Variants in HLA-DMA observed in about 807,000 individuals in gnomAD.
HLA-DMA encodes the protein HLA class II histocompatibility antigen, DM alpha chain.
A neutral mutation model predicts 27.3 loss-of-function variants in HLA-DMA; 20 were observed. The observed-to-expected ratio is 0.73, with a 90% confidence interval of 0.52 to 1.07. The LOEUF (loss-of-function observed/expected upper bound fraction) is 1.07. HLA-DMA is among the 50% of genes least tolerant of loss of function. The probability of loss-of-function intolerance (pLI) is 0.00; values close to 1 mark genes in which losing one functional copy is unlikely to be tolerated. For synonymous variants in HLA-DMA, 111 were observed against 126.8 expected (o/e 0.88, Z 0.83); for missense variants, 241 against 321.7 (o/e 0.75, Z 1.92).
At chr6:32,952,102 C>G (rs1343670787) in intron 1 of HLA-DMA, among the ~76,000 whole-genome samples, 1 of 152,138 alleles carries the variant, frequency 6.6e-6, no homozygotes, top group Non-Finnish European at 1.5e-5. Flanking sequence ...TGGCATAGGG[C>G]TGTATCCTCC....
intron 1 of HLA-DMA, among the ~76,000 whole-genome samples, chr6:32,951,026 T>C (rs1367077055): frequency 6.6e-6 from 1 of 152,138 alleles, no homozygotes; most frequent in African/African-American, 2.4e-5. Flanking sequence ...CATGTTGGCA[T>C]GCGCCTGTAG....
rs150131046 is a variant in HLA-DMA at position 32,949,645 on chromosome 6, G to T, written c.618C>A (p.His206Gln). 48 of 1,613,100 alleles carry T rather than the reference G, an allele frequency of 3.0e-5. No homozygotes were observed. Among genetic ancestry groups the T allele is most frequent in the South Asian group, 2.9e-4 (26 of 91,086 alleles). ...CAATTGCTGTGTAGCGGTCAATTTC[G>T]TGAGTCACAATGCAGGAGAAAATGT... is the stretch of plus-strand genomic sequence containing the variant. ...PSDIFSCIVT[H>Q]EIDRYTAIAY... Residue 206 changes from histidine to glutamine, a missense_variant, in exon 3 of 5, where the codon CAC becomes CAA. Transcript: ENST00000374843. The surrounding 1 kb of genome is among the most constrained non-coding windows in gnomAD (Gnocchi z 5.8).
In HLA-DMA at chr6:32,949,944, CTG is replaced by C; in HGVS notation, c.374-57_374-56del. On this transcript the variant is annotated intron_variant, in intron 2 of 4. Coordinates refer to ENST00000374843, the MANE Select transcript of HLA-DMA (RefSeq NM_006120.4). The surrounding 1 kb of genome is among the most constrained non-coding windows in gnomAD (Gnocchi z 5.8). ...AAAGAGACTAGTTTAGATGGTATCT[CTG>C]TGTTTGGAGGGGCCATGGCATATGG... is the stretch of plus-strand genomic sequence containing the variant. 1 of 1,576,246 alleles carries C rather than the reference CTG, an allele frequency of 6.3e-7. No individual in the cohort carries two copies. Among genetic ancestry groups the C allele is most frequent in the Non-Finnish European group, 8.7e-7 (1 of 1,154,334 alleles).
In HLA-DMA at chr6:32,952,989, T is replaced by A. The variant is rs1776967676; in HGVS notation, c.48A>T (p.Pro16=). The A allele has an allele frequency of 6.2e-7, 1 of 1,612,880 alleles. No individual in the cohort carries two copies. The highest frequency in any genetic ancestry group is 8.5e-7 in the Non-Finnish European group (1 of 1,179,952). ...NQGAALLQML[P]LLWLLPHSWA... ...AGGAGTGGGGTAGCAGCCACAGAAGTGGTAACATCTGTAGCAGCGCAGCTC... is the reference window on the plus strand; with the variant it reads ...AGGAGTGGGGTAGCAGCCACAGAAGAGGTAACATCTGTAGCAGCGCAGCTC... The change falls in exon 1 of 5, where the codon CCA becomes CCT. Residue 16 remains proline, a synonymous_variant. Coordinates refer to ENST00000374843, the MANE Select transcript of HLA-DMA (RefSeq NM_006120.4).
rs577757248 is a variant in HLA-DMA at position 32,948,744 on chromosome 6, C to A, written c.*120G>T. The stretch of plus-strand genomic sequence containing the variant: ...CCCAGGTGGGAAATCTACACACACA[C>A]CCCAGGGATGTCCCAGAGACTTCTA... On this transcript the variant is annotated 3_prime_UTR_variant, in exon 5 of 5. Coordinates refer to ENST00000374843, the MANE Select transcript of HLA-DMA (RefSeq NM_006120.4). 7.7e-5 allele frequency: 92 copies of A among 1,196,518 alleles called. 1 individual carries two copies. The South Asian group carries it at 1.1e-3, about 15-fold the overall frequency. The allele number at this position is 1,196,518 out of a possible 1,614,324, so 74.1% of individuals were successfully genotyped here.
Position 32,949,842 on chromosome 6 carries a change from T to C in HLA-DMA, c.421A>G (p.Lys141Glu). ...VFTLKPLEFGKPNTLVCFVSN... is the reference protein window; with the variant it reads ...VFTLKPLEFGEPNTLVCFVSN... ...ACAAAACAGACCAAAGTGTTGGGCT[T>C]GCCAAACTCCAGGGGCTTCAGCGTG... is the stretch of plus-strand genomic sequence containing the variant. The change falls in exon 3 of 5, where the codon AAG (lysine) becomes GAG (glutamate). Residue 141 changes from lysine to glutamate, a missense_variant. Coordinates refer to ENST00000374843, the MANE Select transcript of HLA-DMA (RefSeq NM_006120.4). This position sits in a 1 kb window ranked among gnomAD's most constrained non-coding sequence, Gnocchi z 5.8. 2 of 1,612,970 alleles carry C rather than the reference T, an allele frequency of 1.2e-6. No homozygotes were observed. The highest frequency in any genetic ancestry group is 1.7e-6 in the Non-Finnish European group (2 of 1,180,024).
chr6:32,949,193 A>G lies in HLA-DMA; in HGVS notation c.781+78T>C. 1.3e-6 allele frequency: 2 copies of G among 1,592,594 alleles called. No individual in the cohort carries two copies. Among genetic ancestry groups the G allele is most frequent in the Non-Finnish European group, 1.7e-6 (2 of 1,163,820 alleles). ...TCGCTATATGTCCCCCCATGCCACA[A>G]AATAATCCTGACACATGCACGCATG... is the stretch of plus-strand genomic sequence containing the variant. On this transcript the variant is annotated intron_variant, in intron 4 of 4. Transcript: ENST00000374843. This position sits in a 1 kb window ranked among gnomAD's most constrained non-coding sequence, Gnocchi z 5.8.
In HLA-DMA at chr6:32,950,896, C is replaced by A; in HGVS notation, c.89-93G>T. 7.6e-7 allele frequency: 1 copy of A among 1,310,944 alleles called. No homozygotes were observed. Among genetic ancestry groups the A allele is most frequent in the South Asian group, 1.4e-5 (1 of 73,140 alleles). 81.2% of individuals were successfully genotyped at this position (1,310,944 alleles called of 1,614,324 possible). A position where few individuals can be genotyped will look rare whatever the true frequency, so the allele number is the denominator to read the frequency against. ...GTGGGGCTAGGCGCAGTGGCTCATG[C>A]CTGTAATCCCAGCACTTTGGGAGGC... is the stretch of plus-strand genomic sequence containing the variant. On this transcript the variant is annotated intron_variant, in intron 1 of 4. Coordinates refer to ENST00000374843, the MANE Select transcript of HLA-DMA (RefSeq NM_006120.4). The surrounding 1 kb of genome is among the most constrained non-coding windows in gnomAD (Gnocchi z 5.0).
In HLA-DMA at chr6:32,950,816, CAG is replaced by C. The variant is rs1371643816; in HGVS notation, c.89-15_89-14del. On this transcript the variant is annotated splice_polypyrimidine_tract_variant and intron_variant, in intron 1 of 4. Transcript: ENST00000374843. This position sits in a 1 kb window ranked among gnomAD's most constrained non-coding sequence, Gnocchi z 5.0. ...ATTGGAGTAGGAGCTGCAAAGGACACAGGGTGAGGTTCAGGGAGGTGGGAGCC... is the reference window on the plus strand; with the variant it reads ...ATTGGAGTAGGAGCTGCAAAGGACACGGTGAGGTTCAGGGAGGTGGGAGCC... 2 of 1,607,416 alleles carry C rather than the reference CAG, an allele frequency of 1.2e-6. No homozygotes were observed. Among genetic ancestry groups the C allele is most frequent in the Non-Finnish European group, 1.7e-6 (2 of 1,175,574 alleles).
rs1169201198 is a variant in HLA-DMA at position 32,948,887 on chromosome 6, T to G, written c.782-19A>C. 4 of 1,613,180 alleles carry G rather than the reference T, an allele frequency of 2.5e-6. No individual in the cohort carries two copies. In the South Asian group the frequency reaches 4.4e-5, roughly 18 times the overall value. ...AATCAGTCTGGGGGAGAGACAGGGA[T>G]GGAGGAAAGGCATCAGGGGATCCAT... On this transcript the variant is annotated intron_variant, in intron 4 of 4. Transcript: ENST00000374843.
chr6:32,949,900 G>C lies in HLA-DMA; in HGVS notation c.374-11C>G, dbSNP rs779953065. 7 of 1,611,338 alleles carry C rather than the reference G, an allele frequency of 4.3e-6. No individual in the cohort carries two copies. Among genetic ancestry groups the C allele is most frequent in the Non-Finnish European group, 5.9e-6 (7 of 1,178,848 alleles). On this transcript the variant is annotated splice_polypyrimidine_tract_variant and intron_variant, in intron 2 of 4. Coordinates refer to ENST00000374843, the MANE Select transcript of HLA-DMA (RefSeq NM_006120.4). The surrounding 1 kb of genome is among the most constrained non-coding windows in gnomAD (Gnocchi z 5.8). ...CAGCGATAGGAAACCCTGGTGGGGG[G>C]ATTGAAGTGTAGGGGGAAAAAGAGA...
Position 32,950,431 on chromosome 6 carries a change from G to A in HLA-DMA, c.373+88C>T. ...GAGAACCAGAAAGTATTTGAGATGG[G>A]GAGCTGGTATCAAGGGGAATTATTC... On this transcript the variant is annotated intron_variant, in intron 2 of 4. Transcript: ENST00000374843. This position sits in a 1 kb window ranked among gnomAD's most constrained non-coding sequence, Gnocchi z 5.0. The A allele has an allele frequency of 2.1e-6, 3 of 1,422,460 alleles. 1 individual carries two copies. In the South Asian group the frequency reaches 3.8e-5, roughly 18 times the overall value. 88.1% of individuals were successfully genotyped at this position (1,422,460 alleles called of 1,614,324 possible).
Position 32,950,154 on chromosome 6 carries a change from T to A in HLA-DMA, c.374-265A>T. ...TCCTTCAGCACTTCCTGTCTAGAGC[T>A]CACATTGATGTCTAACCATGCACTG... On this transcript the variant is annotated intron_variant, in intron 2 of 4. Coordinates refer to ENST00000374843, the MANE Select transcript of HLA-DMA (RefSeq NM_006120.4). The surrounding 1 kb of genome is among the most constrained non-coding windows in gnomAD (Gnocchi z 5.0). 1 of 594,652 alleles carries A rather than the reference T, an allele frequency of 1.7e-6. No individual in the cohort carries two copies. Among genetic ancestry groups the A allele is most frequent in the Non-Finnish European group, 3.0e-6 (1 of 335,590 alleles). The allele number at this position is 594,652 out of a possible 1,614,324, so 36.8% of individuals were successfully genotyped here.
chr6:32,952,958 C>T lies in HLA-DMA; in HGVS notation c.79G>A (p.Val27Ile), dbSNP rs2127483045. The T allele has an allele frequency of 2.5e-6, 4 of 1,611,842 alleles. No individual in the cohort carries two copies. The highest frequency in any genetic ancestry group is 3.4e-6 in the Non-Finnish European group (4 of 1,179,048). The change falls in exon 1 of 5, where the codon GTC (valine) becomes ATC (isoleucine). Residue 27 changes from valine to isoleucine, a missense_variant. Physicochemically the swap from Val to Ile is conservative, Grantham distance 29 (BLOSUM62 3). Transcript: ENST00000374843. ...AGGAGTACCATCTTACCTTCAGGGA[C>T]GGCCCAGGAGTGGGGTAGCAGCCAC... ...LLWLLPHSWAVPEAPTPMWPD... is the reference protein window; with the variant it reads ...LLWLLPHSWAIPEAPTPMWPD...
chr6:32,949,946 G>C lies in HLA-DMA; in HGVS notation c.374-57C>G. The C allele has an allele frequency of 2.6e-6, 4 of 1,555,224 alleles. No individual in the cohort carries two copies. Among genetic ancestry groups the C allele is most frequent in the Non-Finnish European group, 3.5e-6 (4 of 1,136,302 alleles). Reference sequence around the variant, plus strand: ...AGAGACTAGTTTAGATGGTATCTCTGTGTTTGGAGGGGCCATGGCATATGG... The same window carrying C: ...AGAGACTAGTTTAGATGGTATCTCTCTGTTTGGAGGGGCCATGGCATATGG... On this transcript the variant is annotated intron_variant, in intron 2 of 4. Coordinates refer to ENST00000374843, the MANE Select transcript of HLA-DMA (RefSeq NM_006120.4). This position sits in a 1 kb window ranked among gnomAD's most constrained non-coding sequence, Gnocchi z 5.8.
In HLA-DMA at chr6:32,948,813, CCT is replaced by C. The variant is rs1338343107; in HGVS notation, c.*49_*50del. The C allele has an allele frequency of 6.2e-7, 1 of 1,610,844 alleles. No individual in the cohort carries two copies. On this transcript the variant is annotated 3_prime_UTR_variant, in exon 5 of 5. Transcript: ENST00000374843. The stretch of plus-strand genomic sequence containing the variant: ...GGCAGGATGTGAGAAATCTGAGCAT[CCT>C]CTGTTTGGATGGCCGAAGCTGCTGG...
At chr6:32,951,022 G>T (rs1776875195) in intron 1 of HLA-DMA, among the ~76,000 whole-genome samples, 1 of 152,126 alleles carries the variant, frequency 6.6e-6, no homozygotes. Context: ...TGGGCATGTT[G>T]GCATGCGCCT....
chr6:32,949,534 G>A lies in HLA-DMA; in HGVS notation c.652+77C>T. The A allele has an allele frequency of 3.8e-6, 6 of 1,592,964 alleles. No homozygotes were observed. Among genetic ancestry groups the A allele is most frequent in the Non-Finnish European group, 5.2e-6 (6 of 1,164,966 alleles). The stretch of plus-strand genomic sequence containing the variant: ...GGAATGGACTAAACAAGGTACCAGT[G>A]GAGAAAGAAGCCTCCTCCCATGGAT... On this transcript the variant is annotated intron_variant, in intron 3 of 4. Coordinates refer to ENST00000374843, the MANE Select transcript of HLA-DMA (RefSeq NM_006120.4). This position sits in a 1 kb window ranked among gnomAD's most constrained non-coding sequence, Gnocchi z 5.8.
intron 1 of HLA-DMA, among the ~76,000 whole-genome samples, chr6:32,951,408 T>C (rs1776892968): frequency 6.6e-6 from 1 of 152,012 alleles, no homozygotes; most frequent in Non-Finnish European, 1.5e-5. Flanking sequence ...GGCAGGCAGA[T>C]TGCTTGAGCC....
Sources: allele counts gnomAD v4.1 joint callset (sites outside exome capture counted in the v4.1 genomes callset), GRCh38; gene constraint gnomAD v4.1.1; non-coding constraint Gnocchi (gnomAD v3.1); transcripts MANE v1.5; gene names NCBI Gene and HGNC (gene_info 2026-07-23, HGNC 2026-07-21).